The following SH3TC1 variants were observed in gnomAD, a reference collection of about 807,000 sequenced individuals.
The protein encoded by SH3TC1 is SH3 domain and tetratricopeptide repeat-containing protein 1.
Under a neutral mutation model 117.3 loss-of-function variants are expected in SH3TC1, and 135 were observed. That is an observed-to-expected ratio of 1.15 (90% CI 1.00 to 1.33). The LOEUF is 1.33. Ranked by LOEUF, SH3TC1 falls within the 40% of genes most tolerant of loss-of-function variation. The probability of loss-of-function intolerance (pLI) is 0.00; values close to 1 mark genes in which losing one functional copy is unlikely to be tolerated. For synonymous variants in SH3TC1, 898 were observed against 816.9 expected (o/e 1.10, Z -1.69); for missense variants, 2,092 against 1,794.3 (o/e 1.17, Z -3.00).
chr4:8,216,890 G>A (rs1377716403), intron 6 of SH3TC1, 67 bp from the exon 7 acceptor site: 2 of 1,531,058 alleles, frequency 1.3e-6, no homozygotes, highest in African/African-American at 1.4e-5. Flanking sequence ...CGGCAGGGGT[G>A]TGGGGGGCAG....
intron 14 of SH3TC1, 99 bp downstream of exon 14, chr4:8,233,612 A>G: frequency 7.2e-7 from 1 of 1,382,512 alleles, no homozygotes; most frequent in Non-Finnish European, 9.6e-7. Context: ...TCCATCATCT[A>G]TCCATTTACC....
At chr4:8,218,462 A>G in intron 8 of SH3TC1, 115 bp downstream of exon 8, 1 of 674,780 alleles carries the variant, frequency 1.5e-6, no homozygotes, top group Admixed American at 3.0e-5. Flanking sequence ...GCTATCAGGT[A>G]GTGCAAGAGT....
upstream of SH3TC1, among the ~76,000 whole-genome samples, chr4:8,195,902 C>A (rs1717544923): frequency 6.6e-6 from 1 of 152,160 alleles, no homozygotes; most frequent in Non-Finnish European, 1.5e-5. Context: ...CCCACTTCTC[C>A]CCACAGCCCC....
chr4:8,213,632 T>C (rs1320369939), intron 4 of SH3TC1, among the ~76,000 whole-genome samples: 1 of 152,132 alleles, frequency 6.6e-6, no homozygotes, highest in African/African-American at 2.4e-5. Context: ...ACATGGTGGC[T>C]CACACCTGTA....
In SH3TC1 at chr4:8,241,066, A is replaced by C; in HGVS notation, c.*111A>C. The C allele has an allele frequency of 7.0e-7, 1 of 1,420,170 alleles. No homozygotes were observed. The allele number at this position is 1,420,170 out of a possible 1,614,324, so 88.0% of individuals were successfully genotyped here. On this transcript the variant is annotated 3_prime_UTR_variant, in exon 18 of 18. Transcript: ENST00000245105. ...AATGGAGGCACGAACGCAGGGGCCA[A>C]ATAGCAATAAATGGGTTTTGTTTTT... is the stretch of plus-strand genomic sequence containing the variant.
In SH3TC1 at chr4:8,227,388, T is replaced by C; in HGVS notation, c.1694T>C (p.Leu565Pro). 1.3e-6 allele frequency: 2 copies of C among 1,555,012 alleles called. No homozygotes were observed. The highest frequency in any genetic ancestry group is 8.7e-7 in the Non-Finnish European group (1 of 1,151,364). Residue 565 changes from leucine (L) to proline (P), a missense_variant, in exon 12 of 18, where the codon CTC becomes CCC. Coordinates refer to ENST00000245105, the MANE Select transcript of SH3TC1 (RefSeq NM_018986.5). ...LLMALARLCF[L>P]LGRLCSRRLK... ...ATGGCCCTGGCCAGGCTCTGCTTCC[T>C]CCTGGGGCGGCTGTGCAGCAGGAGG...
rs116435121 is a variant in SH3TC1 at position 8,233,855 on chromosome 4, C to A, written c.3282+342C>A. Among the ~76,000 whole-genome samples the A allele has an allele frequency of 1.9e-3, 280 of 151,158 alleles. 1 individual carries two copies. Among genetic ancestry groups the A allele is most frequent in the Middle Eastern group, 6.8e-3 (2 of 292 alleles). On this transcript the variant is annotated intron_variant, in intron 14 of 17. Coordinates refer to ENST00000245105, the MANE Select transcript of SH3TC1 (RefSeq NM_018986.5). ...ATCCATCAGGCATCCATCCTTCCAT[C>A]ATCCATCCATTCACCTATCATCCTT...
At position 8,240,885 on chromosome 4, in the gene SH3TC1, G is replaced by T. The variant is rs371711094; in HGVS notation, c.3941G>T (p.Arg1314Leu). Residue 1314 changes from arginine to leucine, a missense_variant, in exon 18 of 18, where the codon CGC becomes CTC. By Grantham distance (102) the Arg-to-Leu change is moderately radical. Transcript: ENST00000245105. ...ACCTTCGCCACAGAGCTCAACGTCC[G>T]CAGGGTCAACCTGCCTCCTCTGCCA... is the stretch of plus-strand genomic sequence containing the variant. Reference protein sequence around the residue: ...ARTFATELNVRRVNLPPLPLC... With the variant: ...ARTFATELNVLRVNLPPLPLC... The T allele has an allele frequency of 3.1e-6, 5 of 1,613,270 alleles. No individual in the cohort carries two copies. Among genetic ancestry groups the T allele is most frequent in the Admixed American group, 1.7e-5 (1 of 60,032 alleles).
rs1717221287 is a variant in SH3TC1 at position 8,186,314 on chromosome 4, C to T, written c.-57+4104C>T. On this transcript the variant is annotated intron_variant, in intron 1 of 16. Coordinates refer to the SH3TC1 transcript ENST00000508641. This position sits in a 1 kb window ranked among gnomAD's most constrained non-coding sequence, Gnocchi z 5.2. Reference sequence around the variant, plus strand: ...AGATACCTGCCAGTTCTCCCCAGAACTGTCAAGGTCAGGAAAACAGGGACA... The same window carrying T: ...AGATACCTGCCAGTTCTCCCCAGAATTGTCAAGGTCAGGAAAACAGGGACA... 6.6e-6 allele frequency among the ~76,000 whole-genome samples: 1 copy of T among 152,226 alleles called. No individual in the cohort carries two copies. The highest frequency in any genetic ancestry group is 1.5e-5 in the Non-Finnish European group (1 of 68,044).
Position 8,225,333 on chromosome 4 carries a change from T to C in SH3TC1, c.1285+117T>C. 8.6e-7 allele frequency: 1 copy of C among 1,166,474 alleles called. No homozygotes were observed. The highest frequency in any genetic ancestry group is 1.2e-6 in the Non-Finnish European group (1 of 809,630). 72.3% of individuals were successfully genotyped at this position (1,166,474 alleles called of 1,614,324 possible). A position where few individuals can be genotyped will look rare whatever the true frequency, so the allele number is the denominator to read the frequency against. On this transcript the variant is annotated intron_variant, in intron 11 of 17. Coordinates refer to ENST00000245105, the MANE Select transcript of SH3TC1 (RefSeq NM_018986.5). The surrounding 1 kb of genome is among the most constrained non-coding windows in gnomAD (Gnocchi z 5.5). ...ATTGGGTGCGGCTGTCACCCCTCTG[T>C]GGTGTGGGCTGGGGGCTTGGGGGAG... is the stretch of plus-strand genomic sequence containing the variant.
chr4:8,206,832 C>CGTGTGTGTGTGT lies in SH3TC1; in HGVS notation c.172+1492_172+1503dup, dbSNP rs58753240. Among the ~76,000 whole-genome samples, 100 of 144,752 alleles carry CGTGTGTGTGTGT rather than the reference C, an allele frequency of 6.9e-4. No individual in the cohort carries two copies. The highest frequency in any genetic ancestry group is 2.4e-3 in the African/African-American group (94 of 39,296). 95.0% of individuals were successfully genotyped at this position (144,752 alleles called of 152,430 possible). ...AGGACTTTTACTTTGTGTGTGTACT[C>CGTGTGTGTGTGT]GTGTGTGTGTGTGTGTGTGTGTGTG... On this transcript the variant is annotated intron_variant, in intron 2 of 17. Transcript: ENST00000245105. This position sits in a 1 kb window ranked among gnomAD's most constrained non-coding sequence, Gnocchi z 5.5.
rs575604018 is a variant in SH3TC1, at chr4:8,215,190, G to T, written c.481+610G>T. The T allele has an allele frequency of 9.6e-5, 44 of 456,268 alleles. 1 individual carries two copies. Among genetic ancestry groups the T allele is most frequent in the African/African-American group, 8.2e-4 (41 of 50,170 alleles). 28.3% of individuals were successfully genotyped at this position (456,268 alleles called of 1,614,324 possible). A position where few individuals can be genotyped will look rare whatever the true frequency, so the allele number is the denominator to read the frequency against. On this transcript the variant is annotated intron_variant, in intron 5 of 17. Coordinates refer to ENST00000245105, the MANE Select transcript of SH3TC1 (RefSeq NM_018986.5). The stretch of plus-strand genomic sequence containing the variant: ...CAACCAGAACTTGAGGGAAGCTGCC[G>T]TCCAGTGGCCTCAGTGCTGACCGGG...
At position 8,223,004 on chromosome 4, in the gene SH3TC1, G is replaced by A. The variant is rs781131785; in HGVS notation, c.1243+34G>A. On this transcript the variant is annotated intron_variant, in intron 10 of 17. Coordinates refer to ENST00000245105, the MANE Select transcript of SH3TC1 (RefSeq NM_018986.5). ...GGGCGATGCCTGTGGTGGGGCCACTGCCCTCCCCTTTCCCTTCTGCAGCCC... is the reference window on the plus strand; with the variant it reads ...GGGCGATGCCTGTGGTGGGGCCACTACCCTCCCCTTTCCCTTCTGCAGCCC... 3.8e-6 allele frequency: 6 copies of A among 1,593,296 alleles called. No individual in the cohort carries two copies. The East Asian group carries it at 1.4e-4, about 36-fold the overall frequency.
Position 8,240,879 on chromosome 4 carries a change from ACGTCCG to A in SH3TC1, c.3937_3942del (p.Val1313_Arg1314del), listed in dbSNP as rs1174412148. On this transcript the variant is annotated inframe_deletion, in exon 18 of 18. Transcript: ENST00000245105. ...GCCAGGACCTTCGCCACAGAGCTCA[ACGTCCG>A]CAGGGTCAACCTGCCTCCTCTGCCA... The A allele has an allele frequency of 3.1e-6, 5 of 1,613,422 alleles. No individual in the cohort carries two copies. The highest frequency in any genetic ancestry group is 4.2e-6 in the Non-Finnish European group (5 of 1,180,034).
rs1717441409 is a variant in SH3TC1 at position 8,192,295 on chromosome 4, C to CCT, written c.-57+10087_-57+10088dup. ...ACAGGCGTGAGCCACTGCGCCCGGC[C>CCT]CTCAGTCACCTTTAAAATGAAAGGG... is the stretch of plus-strand genomic sequence containing the variant. On this transcript the variant is annotated intron_variant, in intron 1 of 16. Transcript: ENST00000508641. This position sits in a 1 kb window ranked among gnomAD's most constrained non-coding sequence, Gnocchi z 4.1. Among the ~76,000 whole-genome samples the CCT allele has an allele frequency of 2.0e-5, 3 of 151,284 alleles. No individual in the cohort carries two copies. Among genetic ancestry groups the CCT allele is most frequent in the African/African-American group, 7.3e-5 (3 of 41,128 alleles).
rs139340699 is a variant in SH3TC1 at position 8,193,112 on chromosome 4, C to A, written c.-57+10902C>A. On this transcript the variant is annotated intron_variant, in intron 1 of 16. Transcript: ENST00000508641. ...GCTGTAAGGGCAGGGTTGTGACGGA[C>A]CTGATGGCTGGCAAAGCCAAATACG... Among the ~76,000 whole-genome samples the A allele has an allele frequency of 2.2e-3, 339 of 152,360 alleles. 1 individual carries two copies. Among genetic ancestry groups the A allele is most frequent in the African/African-American group, 7.8e-3 (326 of 41,592 alleles).
rs1303938821 is a variant in SH3TC1 at position 8,228,298 on chromosome 4, G to A, written c.2604G>A (p.Met868Ile). 13 of 1,612,284 alleles carry A rather than the reference G, an allele frequency of 8.1e-6. No individual in the cohort carries two copies. Among genetic ancestry groups the A allele is most frequent in the Admixed American group, 1.7e-5 (1 of 60,026 alleles). ...SEDQEGVIAN[M>I]VAVALKRTGR... ...ACCAGGAGGGCGTGATTGCCAACAT[G>A]GTGGCCGTGGCTCTGAAGAGGACGG... The change falls in exon 12 of 18, where the codon ATG becomes ATA. Residue 868 changes from methionine to isoleucine, a missense_variant. By Grantham distance (10) the Met-to-Ile change is conservative. Coordinates refer to ENST00000245105, the MANE Select transcript of SH3TC1 (RefSeq NM_018986.5).
In SH3TC1 at chr4:8,219,506, T is replaced by C; in HGVS notation, c.1088T>C (p.Ile363Thr). Residue 363 changes from isoleucine to threonine, a missense_variant, in exon 9 of 18, where the codon ATC becomes ACC. Coordinates refer to ENST00000245105, the MANE Select transcript of SH3TC1 (RefSeq NM_018986.5). Reference protein sequence around the residue: ...GRVGFVRSSLISMQGPVSELE... With the variant: ...GRVGFVRSSLTSMQGPVSELE... ...GTGGGGTTTGTGCGGAGCAGCCTCA[T>C]CAGCATGCAGGGCCCCGTGTCCGAG... The C allele has an allele frequency of 6.3e-7, 1 of 1,582,350 alleles. No homozygotes were observed. The highest frequency in any genetic ancestry group is 8.6e-7 in the Non-Finnish European group (1 of 1,158,946).
intron 17 of SH3TC1, among the ~76,000 whole-genome samples, chr4:8,239,331 G>A (rs1168883799): frequency 6.9e-6 from 1 of 145,480 alleles, no homozygotes; most frequent in Non-Finnish European, 1.5e-5. Flanking sequence ...AGAGACACAT[G>A]CACACATGGA....
Sources: allele counts gnomAD v4.1 joint callset (sites outside exome capture counted in the v4.1 genomes callset), GRCh38; gene constraint gnomAD v4.1.1; non-coding constraint Gnocchi (gnomAD v3.1); transcripts MANE v1.5; gene names NCBI Gene and HGNC (gene_info 2026-07-23, HGNC 2026-07-21).